ACOT1: variants seen among roughly 807,000 people sequenced by gnomAD.
ACOT1 encodes the protein acyl-CoA thioesterase 1.
ACOT1 carries 8 observed loss-of-function variants against 15.7 expected under a neutral mutation model. That is an observed-to-expected ratio of 0.51 (90% CI 0.30 to 0.92). The LOEUF (loss-of-function observed/expected upper bound fraction) is 0.92, where lower values mean the gene tolerates loss of function less well. ACOT1 is among the 40% of genes least tolerant of loss of function. The probability of loss-of-function intolerance (pLI) is 0.06; values close to 1 mark genes in which losing one functional copy is unlikely to be tolerated. For missense variants in ACOT1, 151 were observed against 539.4 expected (o/e 0.28, Z 7.13); for synonymous variants, 67 against 241.2 (o/e 0.28, Z 6.69).
At chr14:73,493,575 T>G in the ACOT1 span, among the ~76,000 whole-genome samples, 1 of 152,210 alleles carries the variant, frequency 6.6e-6, no homozygotes, top group Middle Eastern at 3.4e-3. Context: ...GCGGTACTCA[T>G]GCCTGTAATC....
chr14:73,514,317 C>T, the ACOT1 span: 4 of 1,227,320 alleles, frequency 3.3e-6, no homozygotes, highest in Non-Finnish European at 3.5e-6. Context: ...CATCCCATTC[C>T]TATTCCTGAC....
the ACOT1 span, chr14:73,522,850 G>A: frequency 6.2e-7 from 1 of 1,614,236 alleles, no homozygotes; most frequent in African/African-American, 1.3e-5. Flanking sequence ...TATGGATGAT[G>A]TCATTGGTAT....
the ACOT1 span, chr14:73,492,146 T>G: frequency 6.2e-7 from 1 of 1,613,796 alleles, no homozygotes; most frequent in South Asian, 1.1e-5. This position sits in a 1 kb window ranked among gnomAD's most constrained non-coding sequence, Gnocchi z 4.9. Flanking sequence ...CAGCCCCAAC[T>G]TCAGTCAGGA....
chr14:73,522,826 C>G, the ACOT1 span: 1 of 1,614,170 alleles, frequency 6.2e-7, no homozygotes, highest in Non-Finnish European at 8.5e-7. Context: ...GCCGGGCCTT[C>G]CTGATCTGGG....
chr14:73,525,613 T>C, the ACOT1 span, among the ~76,000 whole-genome samples: 1 of 152,104 alleles, frequency 6.6e-6, no homozygotes, highest in Non-Finnish European at 1.5e-5. Flanking sequence ...CCTCCAGCGA[T>C]TGTCTCCATG....
the ACOT1 span, among the ~76,000 whole-genome samples, chr14:73,508,732 C>T: frequency 5.3e-5 from 6 of 112,900 alleles, no homozygotes; most frequent in Admixed American, 5.7e-4. Flanking sequence ...GCCTGGGCAA[C>T]GAGAGTGAAA....
At chr14:73,507,302 CTT>C in the ACOT1 span, among the ~76,000 whole-genome samples, 92 of 152,308 alleles carry the variant, frequency 6.0e-4, 1 homozygote, top group Middle Eastern at 3.4e-3. Flanking sequence ...CTAATTCTCA[CTT>C]TTCTCTCAGC....
chr14:73,541,919 G>A (rs59202282), intron 2 of ACOT1, among the ~76,000 whole-genome samples: 5,200 of 112,226 alleles, frequency 0.046, 1,436 homozygotes, highest in East Asian at 0.24. Flanking sequence ...CCAGTGGTGC[G>A]ATCTTGGCTC....
the ACOT1 span, among the ~76,000 whole-genome samples, chr14:73,496,045 A>T: frequency 6.6e-6 from 1 of 152,112 alleles, no homozygotes; most frequent in African/African-American, 2.4e-5. Context: ...CACGAGAATC[A>T]CTTGAACCCA....
chr14:73,521,410 G>A, the ACOT1 span, among the ~76,000 whole-genome samples: 4 of 152,294 alleles, frequency 2.6e-5, no homozygotes, highest in African/African-American at 9.6e-5. Context: ...TCTATTCTGT[G>A]TGTGGTTATT....
At chr14:73,522,872 T>C in the ACOT1 span, 1 of 1,614,100 alleles carries the variant, frequency 6.2e-7, no homozygotes. Context: ...GTAGAGGTGG[T>C]CAAAGCTGTA....
chr14:73,509,359 G>A, the ACOT1 span: 1 of 1,614,072 alleles, frequency 6.2e-7, no homozygotes, highest in Non-Finnish European at 8.5e-7. Context: ...GGGATTATGT[G>A]ACTGTATGGC....
the ACOT1 span, chr14:73,522,447 A>G: frequency 8.1e-6 from 13 of 1,614,218 alleles, no homozygotes; most frequent in East Asian, 2.7e-4. Context: ...TGGCGCAGGA[A>G]GCTCTGCCAC....
At chr14:73,492,022 G>A in the ACOT1 span, 14 of 1,613,996 alleles carry the variant, frequency 8.7e-6, no homozygotes, top group African/African-American at 1.9e-4. The surrounding 1 kb of genome is among the most constrained non-coding windows in gnomAD (Gnocchi z 4.9). Flanking sequence ...CTAACTCGCA[G>A]GGCTTTGCCC....
At chr14:73,512,557 A>G in the ACOT1 span, among the ~76,000 whole-genome samples, 11 of 152,200 alleles carry the variant, frequency 7.2e-5, no homozygotes, top group African/African-American at 1.7e-4. Context: ...TATTTGTAAT[A>G]CAGGCATAAT....
At chr14:73,522,758 G>A in the ACOT1 span, 37 of 1,614,098 alleles carry the variant, frequency 2.3e-5, no homozygotes, top group African/African-American at 4.1e-4. Flanking sequence ...AGCCAGGGAG[G>A]TGTCTCCTGT....
chr14:73,522,372 G>A, the ACOT1 span: 5 of 1,614,242 alleles, frequency 3.1e-6, no homozygotes, highest in Non-Finnish European at 4.2e-6. Context: ...GCCTCCAGCT[G>A]TTTCAGGAGC....
At chr14:73,517,431 C>A in the ACOT1 span, 1 of 152,162 alleles carries the variant, frequency 6.6e-6, no homozygotes, top group Non-Finnish European at 1.5e-5. Context: ...AGTTCCAACA[C>A]TTTGGGAGTC....
At chr14:73,491,481 TAGC>T in the ACOT1 span, 2 of 1,498,064 alleles carry the variant, frequency 1.3e-6, no homozygotes, top group Admixed American at 4.4e-5. Flanking sequence ...GCGCAACACT[TAGC>T]GGCCGTCCAG....
Sources: allele counts gnomAD v4.1 joint callset (sites outside exome capture counted in the v4.1 genomes callset), GRCh38; gene constraint gnomAD v4.1.1; non-coding constraint Gnocchi (gnomAD v3.1); transcripts MANE v1.5; gene names NCBI Gene and HGNC (gene_info 2026-07-23, HGNC 2026-07-21).